Variants in GRK1 observed in about 807,000 individuals in gnomAD.
GRK1 encodes the protein rhodopsin kinase GRK1.
In GRK1, 28 loss-of-function variants were observed where a neutral mutation model predicts 41.7. The ratio of observed to expected loss-of-function variants is 0.67; its 90% CI spans 0.50 to 0.92. The LOEUF (loss-of-function observed/expected upper bound fraction) is 0.92. Among genes scored for constraint, GRK1 ranks in the 40% least tolerant of loss-of-function variants. The probability of loss-of-function intolerance (pLI) is 0.00; values close to 1 mark genes in which losing one functional copy is unlikely to be tolerated. For synonymous variants in GRK1, 327 were observed against 286.7 expected (o/e 1.14, Z -1.42); for missense variants, 703 against 671.2 (o/e 1.05, Z -0.52).
intron 1 of GRK1, 114 bp downstream of exon 1, chr13:113,668,199 C>A: frequency 8.8e-7 from 1 of 1,134,878 alleles, no homozygotes; most frequent in Non-Finnish European, 1.2e-6. Context: ...ACAGCTGGTG[C>A]CTAAGGGAGC....
At chr13:113,656,670 C>A in the GRK1 span, among the ~76,000 whole-genome samples, 1 of 152,202 alleles carries the variant, frequency 6.6e-6, no homozygotes, top group East Asian at 1.9e-4. Flanking sequence ...GTAAGAATAA[C>A]GTGTCCTATT....
intron 5 of GRK1, among the ~76,000 whole-genome samples, chr13:113,732,024 G>A (rs2049940809): frequency 6.6e-6 from 1 of 152,180 alleles, no homozygotes; most frequent in African/African-American, 2.4e-5. Context: ...CTGCAAATAG[G>A]GATAACATTG....
chr13:113,666,884 C>T (rs930570927), upstream of GRK1, among the ~76,000 whole-genome samples: 4 of 152,280 alleles, frequency 2.6e-5, no homozygotes, highest in South Asian at 4.1e-4. Context: ...CGGTTTCTTC[C>T]GGCTCCATCC....
chr13:113,651,048 G>A, the GRK1 span, among the ~76,000 whole-genome samples: 12 of 151,998 alleles, frequency 7.9e-5, no homozygotes, highest in African/African-American at 2.2e-4. Flanking sequence ...AAATCCCCGC[G>A]GCCCCCACCG....
At chr13:113,728,031 ATG>A (rs1200878801) in intron 4 of GRK1, among the ~76,000 whole-genome samples, 1 of 79,346 alleles carries the variant, frequency 1.3e-5, no homozygotes, top group African/African-American at 5.9e-5. Context: ...ACCCATGGCG[ATG>A]AGGAGTACCC....
rs1331681429 is a variant in GRK1 at position 113,733,833 on chromosome 13, ACG to A, written c.1396+749_1396+750del. ...TGCATACGTGTGTGCGTGTGTGTGCACGTGCGTGTGCATGTGTATGTGTGCAT... is the reference window on the plus strand; with the variant it reads ...TGCATACGTGTGTGCGTGTGTGTGCATGCGTGTGCATGTGTATGTGTGCAT... On this transcript the variant is annotated intron_variant, in intron 6 of 6. Coordinates refer to ENST00000335678, the MANE Select transcript of GRK1 (RefSeq NM_002929.3). Among the ~76,000 whole-genome samples the A allele has an allele frequency of 6.0e-3, 580 of 96,098 alleles. 14 individuals are homozygous for A. The highest frequency in any genetic ancestry group is 0.027 in the African/African-American group (529 of 19,854). 63.0% of individuals were successfully genotyped at this position (96,098 alleles called of 152,430 possible).
chr13:113,672,173 G>C (rs900456241), intron 3 of GRK1, among the ~76,000 whole-genome samples: 1 of 151,996 alleles, frequency 6.6e-6, no homozygotes, highest in Non-Finnish European at 1.5e-5. Context: ...TGCTGTGTGC[G>C]CGTATGTGGT....
chr13:113,653,914 TG>T, the GRK1 span, among the ~76,000 whole-genome samples: 11 of 152,244 alleles, frequency 7.2e-5, no homozygotes, highest in African/African-American at 2.4e-4. Flanking sequence ...AACCGTCAAA[TG>T]TGCATCCTTT....
At chr13:113,668,983 A>C (rs1028506331) in intron 1 of GRK1, among the ~76,000 whole-genome samples, 1 of 152,268 alleles carries the variant, frequency 6.6e-6, no homozygotes, top group Non-Finnish European at 1.5e-5. Flanking sequence ...GCGAGTAACT[A>C]TGCTGTGTGG....
chr13:113,653,263 CCGCTT>C, the GRK1 span: 41 of 1,535,854 alleles, frequency 2.7e-5, no homozygotes, highest in African/African-American at 4.1e-5. Context: ...CACCCACCCG[CCGCTT>C]CACACCTCAC....
the GRK1 span, among the ~76,000 whole-genome samples, chr13:113,659,245 T>A: frequency 6.6e-6 from 1 of 152,242 alleles, no homozygotes; most frequent in Non-Finnish European, 1.5e-5. Context: ...CAGATGCCAT[T>A]GCTGCCTGCT....
Position 113,735,473 on chromosome 13 carries a change from C to G in GRK1, c.*110C>G. 8.0e-7 allele frequency: 1 copy of G among 1,244,190 alleles called. No individual in the cohort carries two copies. The highest frequency in any genetic ancestry group is 1.1e-6 in the Non-Finnish European group (1 of 934,848). 77.1% of individuals were successfully genotyped at this position (1,244,190 alleles called of 1,614,324 possible). A position where few individuals can be genotyped will look rare whatever the true frequency, so the allele number is the denominator to read the frequency against. On this transcript the variant is annotated 3_prime_UTR_variant, in exon 7 of 7. Transcript: ENST00000335678. ...TGCTAGCAAGGGGACACGTGGTTCC[C>G]TCCACCCAGGTCCCCATCACGCCAT... is the stretch of plus-strand genomic sequence containing the variant.
At chr13:113,730,082 G>C (rs1270602102) in intron 4 of GRK1, among the ~76,000 whole-genome samples, 1 of 121,864 alleles carries the variant, frequency 8.2e-6, no homozygotes, top group Non-Finnish European at 1.7e-5. Flanking sequence ...CCCAGTCCCC[G>C]TGGCTGAGCC....
upstream of GRK1, among the ~76,000 whole-genome samples, chr13:113,665,503 T>C (rs1186137483): frequency 6.6e-6 from 1 of 151,470 alleles, no homozygotes. Flanking sequence ...GTCCCAGGTG[T>C]GTCTCAGGTG....
intron 4 of GRK1, among the ~76,000 whole-genome samples, chr13:113,730,268 C>T (rs541806481): frequency 2.1e-5 from 3 of 142,078 alleles, no homozygotes; most frequent in Admixed American, 2.1e-4. Context: ...TCCATCCCGA[C>T]ACAGTCCCCC....
chr13:113,666,164 C>T (rs1034751410), upstream of GRK1, among the ~76,000 whole-genome samples: 3 of 139,504 alleles, frequency 2.2e-5, no homozygotes, highest in African/African-American at 9.4e-5. Flanking sequence ...CCCAAGTGTT[C>T]CCCAGCTGCA....
chr13:113,728,144 GAGGAGTACCCATGGCGAT>G (rs2049905521), intron 4 of GRK1, among the ~76,000 whole-genome samples: 1 of 120,554 alleles, frequency 8.3e-6, no homozygotes, highest in African/African-American at 3.6e-5. Context: ...CCATGGCGAT[GAGGAGTACCCATGGCGAT>G]GAGGAATACC....
the GRK1 span, among the ~76,000 whole-genome samples, chr13:113,657,527 C>T: frequency 6.6e-6 from 1 of 152,216 alleles, no homozygotes; most frequent in Non-Finnish European, 1.5e-5. Flanking sequence ...CAGGGCAGAC[C>T]TCGCACAAGG....
chr13:113,651,562 G>T, the GRK1 span: 1 of 1,267,708 alleles, frequency 7.9e-7, no homozygotes, highest in South Asian at 1.8e-5. Context: ...CTGGGCCGAC[G>T]GCTGACATTC....
Sources: allele counts gnomAD v4.1 joint callset (sites outside exome capture counted in the v4.1 genomes callset), GRCh38; gene constraint gnomAD v4.1.1; transcripts MANE v1.5; gene names NCBI Gene and HGNC (gene_info 2026-07-23, HGNC 2026-07-21).